TMEM182: variants seen among roughly 807,000 people sequenced by gnomAD.
TMEM182 encodes transmembrane protein 182.
In TMEM182, 20 loss-of-function variants were observed where a neutral mutation model predicts 26.8. The observed-to-expected ratio is 0.75, with a 90% CI of 0.53 to 1.09. TMEM182 has a LOEUF of 1.09. Ranked by LOEUF, TMEM182 falls within the 50% of genes least tolerant of loss-of-function variation. The probability of loss-of-function intolerance (pLI) is 0.00; values close to 1 mark genes in which losing one functional copy is unlikely to be tolerated. For synonymous variants in TMEM182, 109 were observed against 102.2 expected (o/e 1.07, Z -0.40); for missense variants, 277 against 275.5 (o/e 1.01, Z -0.04).
At chr2:102,780,508 G>T (rs749465550) in intron 3 of TMEM182, among the ~76,000 whole-genome samples, 1 of 152,148 alleles carries the variant, frequency 6.6e-6, no homozygotes, top group Non-Finnish European at 1.5e-5. Context: ...TGCAGTGGGG[G>T]TGGTGAGGGT....
At chr2:102,736,944 G>T (rs959567118) in exon 1 of TMEM182, 10 of 1,157,298 alleles carry the variant, frequency 8.6e-6, no homozygotes, top group Non-Finnish European at 1.2e-5. Context: ...CAGCTCCGCG[G>T]GTGCGTGGCC....
chr2:102,782,149 T>C (rs1239300102), intron 3 of TMEM182, among the ~76,000 whole-genome samples: 1 of 151,830 alleles, frequency 6.6e-6, no homozygotes, highest in African/African-American at 2.4e-5. Flanking sequence ...CTACTAAAAA[T>C]ACAAAAATTA....
chr2:102,754,628 G>A (rs1183342254), intron 1 of TMEM182, among the ~76,000 whole-genome samples: 1 of 152,186 alleles, frequency 6.6e-6, no homozygotes, highest in Non-Finnish European at 1.5e-5. Flanking sequence ...TGCATCGTTA[G>A]GTGTTGAGCA....
chr2:102,799,170 T>A (rs1274195233), intron 4 of TMEM182, among the ~76,000 whole-genome samples: 1 of 152,088 alleles, frequency 6.6e-6, no homozygotes. Context: ...CAAACCAGAG[T>A]GACAGAGTGC....
intron 3 of TMEM182, among the ~76,000 whole-genome samples, chr2:102,841,999 A>G (rs1683360889): frequency 6.6e-6 from 1 of 152,228 alleles, no homozygotes; most frequent in Non-Finnish European, 1.5e-5. Context: ...ATCTGAATCC[A>G]GATGCATCAC....
chr2:102,738,615 G>C (rs2104623056), intron 1 of TMEM182, among the ~76,000 whole-genome samples: 1 of 152,138 alleles, frequency 6.6e-6, no homozygotes, highest in African/African-American at 2.4e-5. Flanking sequence ...AAAAGATTTG[G>C]AAGTCTCTGC....
At chr2:102,810,383 G>A (rs745422538) in intron 4 of TMEM182, among the ~76,000 whole-genome samples, 5 of 152,080 alleles carry the variant, frequency 3.3e-5, no homozygotes, top group Non-Finnish European at 4.4e-5. Context: ...GGTCTTGGGG[G>A]AATCTGTTTT....
intron 1 of TMEM182, among the ~76,000 whole-genome samples, chr2:102,747,806 A>G (rs148407993): frequency 9.1e-4 from 138 of 152,360 alleles, no homozygotes; most frequent in African/African-American, 3.2e-3. Context: ...ATTATTAGGC[A>G]TTTCAGTAAC....
At chr2:102,787,238 C>T (rs549166813) in intron 3 of TMEM182, among the ~76,000 whole-genome samples, 4 of 152,344 alleles carry the variant, frequency 2.6e-5, no homozygotes, top group African/African-American at 9.6e-5. Context: ...AGCCTGGCGG[C>T]TTAAACAAGA....
At chr2:102,796,019 G>A (rs1681854252) in intron 3 of TMEM182, among the ~76,000 whole-genome samples, 1 of 152,134 alleles carries the variant, frequency 6.6e-6, no homozygotes, top group East Asian at 1.9e-4. Context: ...GGGCAGCAGT[G>A]CAGACCTGTA....
intron 3 of TMEM182, among the ~76,000 whole-genome samples, chr2:102,769,275 G>A (rs943402733): frequency 1.3e-5 from 2 of 152,046 alleles, no homozygotes; most frequent in Middle Eastern, 3.2e-3. Context: ...GTTGAACAAA[G>A]GTGGGACAGT....
At chr2:102,745,123 T>A (rs1031364841) in intron 1 of TMEM182, among the ~76,000 whole-genome samples, 2 of 151,890 alleles carry the variant, frequency 1.3e-5, no homozygotes, top group Non-Finnish European at 2.9e-5. Context: ...CTCTTTTTTC[T>A]TTATGTTTTT....
rs761503543 is a variant in TMEM182, at chr2:102,787,753, CA to C, written c.332-10107del. 2.0e-5 allele frequency among the ~76,000 whole-genome samples: 3 copies of C among 152,324 alleles called. No individual in the cohort carries two copies. The South Asian group carries it at 6.2e-4, about 32-fold the overall frequency. ...TGCCAAGCAACTTTTAGAAACACAA[CA>C]AACATGACTAGTGATAGTGGATTCT... On this transcript the variant is annotated intron_variant, in intron 3 of 4. Transcript: ENST00000412401.
intron 3 of TMEM182, among the ~76,000 whole-genome samples, chr2:102,780,702 C>T (rs1681129981): frequency 6.6e-6 from 1 of 152,122 alleles, no homozygotes; most frequent in Admixed American, 6.5e-5. Context: ...TCTGATATGA[C>T]CTAGACTTGT....
chr2:102,758,699 A>T (rs1472845920), upstream of TMEM182, among the ~76,000 whole-genome samples: 1 of 152,186 alleles, frequency 6.6e-6, no homozygotes, highest in Non-Finnish European at 1.5e-5. Context: ...CTCCTAACAC[A>T]AATTGATTTC....
At chr2:102,826,703 C>T (rs1683037581) in intron 3 of TMEM182, among the ~76,000 whole-genome samples, 1 of 152,150 alleles carries the variant, frequency 6.6e-6, no homozygotes, top group African/African-American at 2.4e-5. Context: ...ATATTTTCCT[C>T]ATTCCTCCAC....
chr2:102,764,268 A>G, intron 2 of TMEM182, 61 bp from the exon 3 acceptor site: 1 of 1,509,638 alleles, frequency 6.6e-7, no homozygotes, highest in East Asian at 2.3e-5. Flanking sequence ...CTGTTCCATT[A>G]AGGATGAGTC....
intron 3 of TMEM182, among the ~76,000 whole-genome samples, chr2:102,833,626 C>T (rs1353192643): frequency 1.3e-5 from 2 of 152,152 alleles, no homozygotes; most frequent in Non-Finnish European, 2.9e-5. Context: ...CTAGTCTTTC[C>T]TCCAATATCC....
intron 1 of TMEM182, among the ~76,000 whole-genome samples, chr2:102,739,716 G>A (rs1191446501): frequency 6.6e-6 from 1 of 152,070 alleles, no homozygotes; most frequent in Non-Finnish European, 1.5e-5. Context: ...CATGCTTCCT[G>A]TACAGTCTGT....
Sources: allele counts gnomAD v4.1 joint callset (sites outside exome capture counted in the v4.1 genomes callset), GRCh38; gene constraint gnomAD v4.1.1; transcripts MANE v1.5; gene names NCBI Gene and HGNC (gene_info 2026-07-23, HGNC 2026-07-21).